The following SUPT3H variants were observed in gnomAD, a reference collection of about 807,000 sequenced individuals.
SUPT3H encodes the protein transcription initiation protein SPT3 homolog.
In SUPT3H, 44 loss-of-function variants were observed where a neutral mutation model predicts 44.3. The ratio of observed to expected loss-of-function variants is 0.99; its 90% CI spans 0.78 to 1.28. The LOEUF is 1.28. Ranked by LOEUF, SUPT3H falls within the 50% of genes most tolerant of loss-of-function variation. The pLI is 0.00. For missense variants in SUPT3H, 380 were observed against 387.1 expected, an observed-to-expected ratio of 0.98 and a Z score of 0.15; for synonymous variants, 124 against 125.6, an observed-to-expected ratio of 0.99 and a Z score of 0.09.
At chr6:45,372,127 T>A (rs1377665937) in intron 1 of SUPT3H, 1 of 584,198 alleles carries the variant, frequency 1.7e-6, no homozygotes, top group East Asian at 1.4e-4. Context: ...CAAACCACAA[T>A]GGAAGCAGTA....
intron 2 of SUPT3H, among the ~76,000 whole-genome samples, chr6:45,176,059 T>C (rs181687476): frequency 1.3e-4 from 20 of 151,636 alleles, no homozygotes; most frequent in Non-Finnish European, 2.5e-4. Flanking sequence ...AAACTATATC[T>C]TGGGGGGAGG....
chr6:45,106,789 G>C (rs1382696015), intron 2 of SUPT3H, among the ~76,000 whole-genome samples: 3 of 152,132 alleles, frequency 2.0e-5, no homozygotes, highest in African/African-American at 7.2e-5. Context: ...ACCCACCTTG[G>C]CCTCCCAAAG....
intron 2 of SUPT3H, among the ~76,000 whole-genome samples, chr6:45,121,922 C>G (rs944028598): frequency 6.6e-6 from 1 of 151,890 alleles, no homozygotes; most frequent in African/African-American, 2.4e-5. Context: ...ATGATCCACC[C>G]GCCTCAGCCT....
At chr6:45,232,532 G>A (rs1026259797) in intron 2 of SUPT3H, among the ~76,000 whole-genome samples, 1 of 152,144 alleles carries the variant, frequency 6.6e-6, no homozygotes, top group Non-Finnish European at 1.5e-5. Context: ...CAATTCGTGG[G>A]CACCCAGGTG....
chr6:45,331,830 T>G (rs746689030), intron 2 of SUPT3H, among the ~76,000 whole-genome samples: 4 of 152,134 alleles, frequency 2.6e-5, no homozygotes, highest in Admixed American at 6.6e-5. Context: ...TATTAATTTA[T>G]TCAATTACTC....
intron 3 of SUPT3H, among the ~76,000 whole-genome samples, chr6:45,051,515 AATGT>A (rs1446405062): frequency 6.6e-6 from 1 of 150,846 alleles, no homozygotes; most frequent in Non-Finnish European, 1.5e-5. Context: ...ATATTTATCA[AATGT>A]ATGTATGTAT....
intron 2 of SUPT3H, among the ~76,000 whole-genome samples, chr6:45,145,349 T>A (rs1490863967): frequency 1.3e-5 from 2 of 151,944 alleles, no homozygotes; most frequent in Non-Finnish European, 2.9e-5. Flanking sequence ...AACAGAGAAC[T>A]CAGAAATAAA....
At chr6:45,209,536 T>C (rs903496867) in intron 2 of SUPT3H, among the ~76,000 whole-genome samples, 2 of 152,218 alleles carry the variant, frequency 1.3e-5, no homozygotes. Flanking sequence ...GTAGAGCCTG[T>C]TGTGTGACTA....
chr6:45,113,171 C>G (rs984518468), intron 2 of SUPT3H, among the ~76,000 whole-genome samples: 2 of 151,614 alleles, frequency 1.3e-5, no homozygotes, highest in African/African-American at 4.9e-5. Context: ...ACTATAATAC[C>G]CAAGAATTTC....
intron 10 of SUPT3H, among the ~76,000 whole-genome samples, chr6:44,897,052 A>C (rs1195764227): frequency 6.6e-6 from 1 of 152,220 alleles, no homozygotes; most frequent in African/African-American, 2.4e-5. Context: ...GAGGTATACA[A>C]AATGCAGACT....
At chr6:45,319,308 C>A (rs1785138814) in intron 2 of SUPT3H, among the ~76,000 whole-genome samples, 1 of 152,038 alleles carries the variant, frequency 6.6e-6, no homozygotes, top group South Asian at 2.1e-4. Flanking sequence ...TAAATGAGGG[C>A]AAACAGGCAA....
intron 10 of SUPT3H, among the ~76,000 whole-genome samples, chr6:44,854,932 A>G (rs1034273807): frequency 6.6e-6 from 1 of 152,208 alleles, no homozygotes; most frequent in African/African-American, 2.4e-5. Flanking sequence ...GATAAAACAT[A>G]GAATTTCCTT....
At chr6:45,249,411 T>C (rs1309677128) in intron 2 of SUPT3H, among the ~76,000 whole-genome samples, 1 of 151,846 alleles carries the variant, frequency 6.6e-6, no homozygotes, top group East Asian at 1.9e-4. Flanking sequence ...AGTCTTTTTA[T>C]TTTAGTAAAA....
intron 10 of SUPT3H, among the ~76,000 whole-genome samples, chr6:44,837,248 C>T (rs1438709019): frequency 2.6e-5 from 4 of 152,282 alleles, no homozygotes; most frequent in South Asian, 2.1e-4. Flanking sequence ...ATTCTCATTT[C>T]GCTTGAGTAA....
chr6:44,962,552 C>T (rs1190840604), intron 6 of SUPT3H, among the ~76,000 whole-genome samples: 1 of 137,014 alleles, frequency 7.3e-6, no homozygotes, highest in Non-Finnish European at 1.5e-5. Context: ...TTCTGCCCAG[C>T]GAAGAAAAAA....
chr6:45,192,565 C>T (rs1375170993), intron 2 of SUPT3H, among the ~76,000 whole-genome samples: 1 of 152,048 alleles, frequency 6.6e-6, no homozygotes, highest in Non-Finnish European at 1.5e-5. Context: ...TGGTGTTTCT[C>T]TTTAAATTGT....
chr6:44,883,201 AATCAATGTGC>A (rs1355870532), intron 10 of SUPT3H, among the ~76,000 whole-genome samples: 1 of 152,186 alleles, frequency 6.6e-6, no homozygotes, highest in African/African-American at 2.4e-5. Flanking sequence ...CAGGATGCAA[AATCAATGTGC>A]AAAAATCACA....
intron 3 of SUPT3H, among the ~76,000 whole-genome samples, chr6:45,052,283 G>A (rs1187222784): frequency 1.3e-5 from 2 of 152,170 alleles, no homozygotes; most frequent in African/African-American, 2.4e-5. Context: ...ATTTAAAAAT[G>A]AGATTGCTGT....
chr6:44,872,560 A>C (rs889102845), intron 10 of SUPT3H, among the ~76,000 whole-genome samples: 12 of 152,234 alleles, frequency 7.9e-5, no homozygotes, highest in Non-Finnish European at 1.2e-4. Flanking sequence ...AAATGTAAAG[A>C]CCATCGAGGC....
Sources: allele counts gnomAD v4.1 joint callset (sites outside exome capture counted in the v4.1 genomes callset), GRCh38; gene constraint gnomAD v4.1.1; transcripts MANE v1.5; gene names NCBI Gene and HGNC (gene_info 2026-07-23, HGNC 2026-07-21).